Variants in CELF2 observed in about 807,000 individuals in gnomAD.
CELF2 encodes the protein CUGBP Elav-like family member 2.
In CELF2, 8 loss-of-function variants were observed where a neutral mutation model predicts 62.6. The ratio of observed to expected loss-of-function variants is 0.13; its 90% CI spans 0.07 to 0.23. The LOEUF (loss-of-function observed/expected upper bound fraction) is 0.23. Among genes scored for constraint, CELF2 ranks in the 10% least tolerant of loss-of-function variants. The probability of loss-of-function intolerance (pLI) is 1.00; values close to 1 mark genes in which losing one functional copy is unlikely to be tolerated. For missense variants in CELF2, 333 were observed against 671.0 expected (o/e 0.50, Z 5.56); for synonymous variants, 258 against 250.0 (o/e 1.03, Z -0.30).
In CELF2 at chr10:11,305,272, G is replaced by A. The variant is rs1463659813; in HGVS notation, c.977-8867G>A. Among the ~76,000 whole-genome samples the A allele has an allele frequency of 6.6e-6, 1 of 152,232 alleles. No individual in the cohort carries two copies. Among genetic ancestry groups the A allele is most frequent in the African/African-American group, 2.4e-5 (1 of 41,456 alleles). ...AATTTATTTGAGTTGGTTTGAGAGA[G>A]CTTCCAAACAGCCCTTCCTCCACAA... is the stretch of plus-strand genomic sequence containing the variant. On this transcript the variant is annotated intron_variant, in intron 9 of 12. Coordinates refer to ENST00000633077, the MANE Select transcript of CELF2 (RefSeq NM_001326342.2). This position sits in a 1 kb window ranked among gnomAD's most constrained non-coding sequence, Gnocchi z 4.8.
the CELF2 span, among the ~76,000 whole-genome samples, chr10:10,471,433 A>G: frequency 6.6e-6 from 1 of 151,742 alleles, no homozygotes; most frequent in Non-Finnish European, 1.5e-5. Flanking sequence ...AGGTGTGTAT[A>G]CATTTATAAT....
chr10:10,801,108 C>T (rs2054618482), intron 1 of CELF2, among the ~76,000 whole-genome samples: 1 of 151,868 alleles, frequency 6.6e-6, no homozygotes, highest in African/African-American at 2.4e-5. Context: ...TGTTTTTCCC[C>T]TAAACATGCC....
rs2050628115 is a variant in CELF2, at chr10:10,970,307, T to C, written c.89+50308T>C. ...GTCTTGAACTCCTGGCCTCAAGCGATCCGCCCACCTCAGCCTCCCAAAGTG... is the reference window on the plus strand; with the variant it reads ...GTCTTGAACTCCTGGCCTCAAGCGACCCGCCCACCTCAGCCTCCCAAAGTG... On this transcript the variant is annotated intron_variant, in intron 2 of 13. Transcript: ENST00000636488. Among the ~76,000 whole-genome samples, 2 of 152,150 alleles carry C rather than the reference T, an allele frequency of 1.3e-5. 1 individual carries two copies. Among genetic ancestry groups the C allele is most frequent in the South Asian group, 4.1e-4 (2 of 4,826 alleles).
the CELF2 span, among the ~76,000 whole-genome samples, chr10:10,517,733 C>A: frequency 3.3e-5 from 5 of 152,178 alleles, no homozygotes; most frequent in African/African-American, 1.2e-4. Flanking sequence ...TGTAGCCTCA[C>A]TAGGTGCCCA....
rs903673307 is a variant in CELF2, at chr10:11,311,667, A to C, written c.977-2472A>C. Among the ~76,000 whole-genome samples, 1 of 152,244 alleles carries C rather than the reference A, an allele frequency of 6.6e-6. No individual in the cohort carries two copies. Among genetic ancestry groups the C allele is most frequent in the Non-Finnish European group, 1.5e-5 (1 of 68,040 alleles). The stretch of plus-strand genomic sequence containing the variant: ...GTTGATAACATTCTAGAAATGAAAA[A>C]ATATAATCAAATTGTAAAATTTGGA... On this transcript the variant is annotated intron_variant, in intron 9 of 12. Coordinates refer to ENST00000633077, the MANE Select transcript of CELF2 (RefSeq NM_001326342.2). The surrounding 1 kb of genome is among the most constrained non-coding windows in gnomAD (Gnocchi z 4.7).
At chr10:11,057,591 T>C (rs911034884) in intron 1 of CELF2, among the ~76,000 whole-genome samples, 1 of 152,190 alleles carries the variant, frequency 6.6e-6, no homozygotes, top group African/African-American at 2.4e-5. Flanking sequence ...GTTTGGCCTT[T>C]ATGGATACAA....
At chr10:10,958,241 A>G (rs1398205381) in intron 2 of CELF2, among the ~76,000 whole-genome samples, 2 of 152,234 alleles carry the variant, frequency 1.3e-5, no homozygotes, top group Non-Finnish European at 2.9e-5. Flanking sequence ...TCCCAGAAAT[A>G]TCACTTTTCC....
intron 1 of CELF2, among the ~76,000 whole-genome samples, chr10:10,881,173 C>G (rs1184621352): frequency 6.6e-6 from 1 of 152,180 alleles, no homozygotes; most frequent in African/African-American, 2.4e-5. Flanking sequence ...TGTCCTTGGA[C>G]TTGCCTGCTA....
the CELF2 span, among the ~76,000 whole-genome samples, chr10:10,660,964 A>T: frequency 6.6e-6 from 1 of 152,238 alleles, no homozygotes; most frequent in Non-Finnish European, 1.5e-5. Flanking sequence ...ACTTAGTCAT[A>T]GTCCCTGTTC....
the CELF2 span, among the ~76,000 whole-genome samples, chr10:10,768,344 G>T: frequency 1.3e-5 from 2 of 151,980 alleles, no homozygotes; most frequent in African/African-American, 2.4e-5. Flanking sequence ...TGGTAATGTG[G>T]CAGGGACACA....
intron 1 of CELF2, among the ~76,000 whole-genome samples, chr10:11,050,886 C>A (rs900986655): frequency 6.6e-6 from 1 of 152,220 alleles, no homozygotes; most frequent in Non-Finnish European, 1.5e-5. Flanking sequence ...TTCACTCACT[C>A]GCCCACTGGG....
At chr10:10,660,178 G>T in the CELF2 span, among the ~76,000 whole-genome samples, 1 of 152,138 alleles carries the variant, frequency 6.6e-6, no homozygotes, top group Non-Finnish European at 1.5e-5. Flanking sequence ...GTTGCTAATT[G>T]ATAAACTGTT....
chr10:10,571,732 T>C, the CELF2 span, among the ~76,000 whole-genome samples: 1 of 152,130 alleles, frequency 6.6e-6, no homozygotes, highest in African/African-American at 2.4e-5. Context: ...GACAGCAGAT[T>C]CTTGCAGTAG....
chr10:10,854,471 A>T lies in CELF2; in HGVS notation c.53+55654A>T, dbSNP rs142150260. 3.3e-5 allele frequency among the ~76,000 whole-genome samples: 5 copies of T among 152,364 alleles called. No homozygotes were observed. In the East Asian group the frequency reaches 9.6e-4, roughly 29 times the overall value. ...AGGCATCCTTCAGCTCAAAGGTCAC[A>T]GGTAAGACAGGGATTCTATTCCACC... On this transcript the variant is annotated intron_variant, in intron 1 of 13. Transcript: ENST00000636488.
chr10:11,036,089 CTGAAAGCCAGG>C lies in CELF2; in HGVS notation c.74+17927_74+17937del, dbSNP rs542410272. ...TGTCTGATCTGCATGCGTAAATACT[CTGAAAGCCAGG>C]CTGTACTTAAGCATCAGCCAGGATT... On this transcript the variant is annotated intron_variant, in intron 1 of 12. Coordinates refer to ENST00000633077, the MANE Select transcript of CELF2 (RefSeq NM_001326342.2). Among the ~76,000 whole-genome samples, 30 of 152,330 alleles carry C rather than the reference CTGAAAGCCAGG, an allele frequency of 2.0e-4. No homozygotes were observed. In the South Asian group the frequency reaches 6.0e-3, roughly 30 times the overall value.
chr10:10,579,512 AC>A, the CELF2 span, among the ~76,000 whole-genome samples: 23 of 152,044 alleles, frequency 1.5e-4, no homozygotes, highest in Admixed American at 6.6e-4. Flanking sequence ...TTGACCTTAG[AC>A]CCCCGGGCTG....
At chr10:10,573,980 T>C in the CELF2 span, among the ~76,000 whole-genome samples, 1 of 152,160 alleles carries the variant, frequency 6.6e-6, no homozygotes, top group African/African-American at 2.4e-5. Flanking sequence ...TTAAAAAAAA[T>C]TGTTCTGCAT....
chr10:10,632,352 A>G, the CELF2 span, among the ~76,000 whole-genome samples: 2 of 152,272 alleles, frequency 1.3e-5, no homozygotes, highest in Non-Finnish European at 2.9e-5. Context: ...TTTGACGTTC[A>G]CAACTGACTA....
Position 10,936,360 on chromosome 10 carries a change from T to C in CELF2, c.89+16361T>C, listed in dbSNP as rs530565691. On this transcript the variant is annotated intron_variant, in intron 2 of 13. Transcript: ENST00000636488. This position sits in a 1 kb window ranked among gnomAD's most constrained non-coding sequence, Gnocchi z 4.0. ...TGTTACATGACTGTTCTCCCTGCAG[T>C]ATACACTCAGCCTGTTAGTTTTTGT... Among the ~76,000 whole-genome samples the C allele has an allele frequency of 3.3e-4, 51 of 152,328 alleles. No homozygotes were observed. The highest frequency in any genetic ancestry group is 7.8e-4 in the Admixed American group (12 of 15,302).
Sources: gnomAD v4.1 joint callset for allele counts (sites outside exome capture counted in the v4.1 genomes callset) on GRCh38, gnomAD v4.1.1 for gene constraint, Gnocchi (gnomAD v3.1) non-coding constraint, MANE v1.5 for transcripts, NCBI Gene and HGNC (gene_info 2026-07-23, HGNC 2026-07-21) for gene names.